Variants in CCDC7 observed in about 807,000 individuals in gnomAD.
The protein encoded by CCDC7 is coiled-coil domain-containing protein 7.
Under a neutral mutation model 196.9 loss-of-function variants are expected in CCDC7, and 183 were observed. The ratio of observed to expected loss-of-function variants is 0.93; its 90% CI spans 0.82 to 1.05. The LOEUF is 1.05. Ranked by LOEUF, CCDC7 falls within the 50% of genes least tolerant of loss-of-function variation. CCDC7 has a pLI of 0.00. For synonymous variants in CCDC7, 525 were observed against 484.6 expected, an observed-to-expected ratio of 1.08 and a Z score of -1.10; for missense variants, 1,540 against 1,482.2, an observed-to-expected ratio of 1.04 and a Z score of -0.64.
intron 24 of CCDC7, among the ~76,000 whole-genome samples, chr10:32,707,558 A>G (rs2080006497): frequency 6.6e-6 from 1 of 152,236 alleles, no homozygotes; most frequent in South Asian, 2.1e-4. Context: ...ACATGATTGT[A>G]TATTTATAAA....
rs561374369 is a variant in CCDC7, at chr10:32,595,384, T to C, written c.1801+11080T>C. Among the ~76,000 whole-genome samples the C allele has an allele frequency of 1.2e-4, 19 of 152,274 alleles. No homozygotes were observed. The East Asian group carries it at 3.7e-3, about 29-fold the overall frequency. On this transcript the variant is annotated intron_variant, in intron 18 of 41. Coordinates refer to ENST00000639629, the Ensembl canonical transcript of CCDC7. ...ATGGTAGTTTGTATTTCTGTAGGAT[T>C]GGTGGTGATATCCCCTTTATAATTT...
chr10:32,660,039 G>C (rs2070929982), intron 20 of CCDC7, among the ~76,000 whole-genome samples: 1 of 152,116 alleles, frequency 6.6e-6, no homozygotes, highest in Non-Finnish European at 1.5e-5. Context: ...GTGCCTGTTT[G>C]GTGCTCACTG....
At chr10:32,486,214 G>A (rs2041054287) in intron 8 of CCDC7, among the ~76,000 whole-genome samples, 1 of 152,058 alleles carries the variant, frequency 6.6e-6, no homozygotes, top group Non-Finnish European at 1.5e-5. Context: ...AGGTTAGTTA[G>A]CTCTTCTTGT....
At chr10:32,565,572 G>C (rs778033439) in exon 14 of CCDC7, 1 of 1,608,500 alleles carries the variant, frequency 6.2e-7, no homozygotes, top group South Asian at 1.1e-5. Flanking sequence ...TAGCACGTCT[G>C]GAAATTGAGA....
intron 9 of CCDC7, 149 bp downstream of exon 10, chr10:32,492,146 A>C: frequency 1.4e-6 from 1 of 690,794 alleles, no homozygotes; most frequent in Non-Finnish European, 2.1e-6. Flanking sequence ...AGAAAATAAC[A>C]CCTCTATCAA....
intron 23 of CCDC7, 137 bp downstream of exon 24, chr10:32,689,300 A>C (rs1267571309): frequency 1.7e-6 from 1 of 581,106 alleles, no homozygotes; most frequent in Non-Finnish European, 3.0e-6. Context: ...AAAAAGTGAA[A>C]AATATTGATA....
intron 16 of CCDC7, among the ~76,000 whole-genome samples, chr10:32,579,794 A>G (rs897743294): frequency 5.9e-5 from 9 of 152,056 alleles, no homozygotes; most frequent in Non-Finnish European, 8.8e-5. Context: ...TGAGTTTTTA[A>G]GACTATATAC....
rs1326791803 is a variant in CCDC7, at chr10:32,677,482, A to T, written c.2123-8488A>T. On this transcript the variant is annotated intron_variant, in intron 21 of 41. Transcript: ENST00000639629. ...ATCTATGCTTAACTTTTAAAGCACAATTTTTCTGGGTGTAGTATTCTTGGT... is the reference window on the plus strand; with the variant it reads ...ATCTATGCTTAACTTTTAAAGCACATTTTTTCTGGGTGTAGTATTCTTGGT... Among the ~76,000 whole-genome samples the T allele has an allele frequency of 2.6e-5, 4 of 151,836 alleles. No homozygotes were observed. The East Asian group carries it at 7.7e-4, about 29-fold the overall frequency.
At chr10:32,881,645 A>G (rs1025721352), downstream of CCDC7, among the ~76,000 whole-genome samples, 17 of 152,078 alleles carry the variant, frequency 1.1e-4, no homozygotes, top group African/African-American at 4.1e-4. Context: ...TAACCCTTTT[A>G]TCACCTTCCT....
At chr10:32,795,538 CTCA>C (rs776013704) in intron 29 of CCDC7, among the ~76,000 whole-genome samples, 1 of 152,074 alleles carries the variant, frequency 6.6e-6, no homozygotes, top group South Asian at 2.1e-4. Context: ...TCGGAAAACT[CTCA>C]TCATCTCATT....
At position 32,712,223 on chromosome 10, in the gene CCDC7, G is replaced by A. The variant is rs561586023; in HGVS notation, c.2569+493G>A. On this transcript the variant is annotated intron_variant, in intron 25 of 41. Coordinates refer to ENST00000639629, the Ensembl canonical transcript of CCDC7. ...TTATGGTAACCTGATAGAGGATGCTGTCTGATCTCTGTGGCTTGAATGTGA... is the reference window on the plus strand; with the variant it reads ...TTATGGTAACCTGATAGAGGATGCTATCTGATCTCTGTGGCTTGAATGTGA... 7.2e-5 allele frequency among the ~76,000 whole-genome samples: 11 copies of A among 152,316 alleles called. No individual in the cohort carries two copies. The South Asian group carries it at 2.1e-3, about 29-fold the overall frequency.
At chr10:32,695,031 G>C in intron 24 of CCDC7, 39 bp downstream of exon 25, 1 of 1,116,298 alleles carries the variant, frequency 9.0e-7, no homozygotes, top group Non-Finnish European at 1.3e-6. Flanking sequence ...AAATTTTAAA[G>C]TTAATCTCAT....
intron 37 of CCDC7, among the ~76,000 whole-genome samples, 199 bp from the exon 39 acceptor site, chr10:32,847,634 G>C (rs774880627): frequency 6.7e-6 from 1 of 148,846 alleles, no homozygotes; most frequent in South Asian, 2.1e-4. Context: ...GGGACCACTT[G>C]AGCCCAGGAG....
At chr10:32,566,457 G>A (rs1312272259) in intron 14 of CCDC7, among the ~76,000 whole-genome samples, 1 of 152,030 alleles carries the variant, frequency 6.6e-6, no homozygotes, top group Non-Finnish European at 1.5e-5. Context: ...CCATTGTTAA[G>A]GAGTTTGCTA....
chr10:32,581,944 C>T (rs2058762657), intron 16 of CCDC7, among the ~76,000 whole-genome samples: 1 of 151,586 alleles, frequency 6.6e-6, no homozygotes, highest in African/African-American at 2.4e-5. Flanking sequence ...TAAATTCAAA[C>T]ACCTAATAGA....
chr10:32,501,797 C>T (rs1446746770), intron 9 of CCDC7, among the ~76,000 whole-genome samples: 2 of 152,202 alleles, frequency 1.3e-5, no homozygotes, highest in Non-Finnish European at 2.9e-5. Context: ...GAGGTATCTC[C>T]CAGTCTGGAT....
chr10:32,786,281 G>C (rs1027940891), intron 29 of CCDC7, among the ~76,000 whole-genome samples: 1 of 152,110 alleles, frequency 6.6e-6, no homozygotes, highest in South Asian at 2.1e-4. Context: ...CAATACCTGG[G>C]GAAGGGAGAA....
intron 21 of CCDC7, among the ~76,000 whole-genome samples, chr10:32,676,501 A>G (rs575944567): frequency 6.6e-6 from 1 of 152,090 alleles, no homozygotes; most frequent in African/African-American, 2.4e-5. Flanking sequence ...AGAATCTACA[A>G]TGAACTCAAA....
At chr10:32,586,959 T>C (rs1439726495) in intron 18 of CCDC7, among the ~76,000 whole-genome samples, 2 of 152,216 alleles carry the variant, frequency 1.3e-5, no homozygotes, top group Non-Finnish European at 2.9e-5. Flanking sequence ...TGATGATCCA[T>C]TGTCTGAGCT....
Sources: allele counts gnomAD v4.1 joint callset (sites outside exome capture counted in the v4.1 genomes callset), GRCh38; gene constraint gnomAD v4.1.1; transcripts MANE v1.5; gene names NCBI Gene and HGNC (gene_info 2026-07-23, HGNC 2026-07-21).